Variants in UPF3B observed in about 807,000 individuals in gnomAD.
UPF3B encodes UPF3B regulator of nonsense mediated mRNA decay.
In UPF3B, 7 loss-of-function variants were observed where a neutral mutation model predicts 40.3. The observed-to-expected ratio is 0.17, with a 90% confidence interval of 0.10 to 0.33. UPF3B has a LOEUF of 0.33. Among genes scored for constraint, UPF3B ranks in the 10% least tolerant of loss-of-function variants. The pLI is 1.00. For synonymous variants in UPF3B, 117 were observed against 117.3 expected (o/e 1.00, Z 0.01); for missense variants, 229 against 358.9 (o/e 0.64, Z 2.93).
chrX:119,840,967 A>G (rs978166685), intron 7 of UPF3B, 109 bp downstream of exon 7: 2 of 942,240 alleles, frequency 2.1e-6, no homozygotes, highest in African/African-American at 3.9e-5. Flanking sequence ...AAAAGAGAAC[A>G]AAAACAAAAC....
At chrX:119,844,640 G>A (rs1283837222) in intron 4 of UPF3B, among the ~76,000 whole-genome samples, 1 of 108,938 alleles carries the variant, frequency 9.2e-6, no homozygotes, top group Admixed American at 9.8e-5. Context: ...TTTCGCTCTT[G>A]TTGCCCAGGC....
intron 6 of UPF3B, 36 bp downstream of exon 6, chrX:119,841,699 A>C (rs1169261730): frequency 8.7e-7 from 1 of 1,156,019 alleles, no homozygotes; most frequent in African/African-American, 1.8e-5. Flanking sequence ...CAAAGAAATT[A>C]AAGTATTGAG....
chrX:119,828,314 C>T (rs2056001762), intron 3 of UPF3B, among the ~76,000 whole-genome samples: 1 of 112,111 alleles, frequency 8.9e-6, no homozygotes, highest in African/African-American at 3.2e-5. Flanking sequence ...ATCCACCTGC[C>T]TTGGCCTCCC....
chrX:119,811,755 C>G (rs1165252810), intron 5 of UPF3B, among the ~76,000 whole-genome samples: 1 of 111,126 alleles, frequency 9.0e-6, no homozygotes, highest in Non-Finnish European at 1.9e-5. Context: ...AGTTTGAGAT[C>G]AGCCTGGGCA....
Position 119,821,273 on chromosome X carries a change from G to A in UPF3B, c.494+1669C>T, listed in dbSNP as rs147373447. ...CTGAGCAATGTCAGATGCCATGCTT[G>A]TACAGCCTGCAGAACTGTGAACCAG... On this transcript the variant is annotated intron_variant, in intron 4 of 6. Transcript: ENST00000636792. Among the ~76,000 whole-genome samples, 522 of 112,154 alleles carry A rather than the reference G, an allele frequency of 4.7e-3. 6 individuals are homozygous for A. The highest frequency in any genetic ancestry group is 0.016 in the African/African-American group (505 of 30,925).
chrX:119,838,993 T>C (rs1407752050), intron 8 of UPF3B, among the ~76,000 whole-genome samples: 1 of 111,488 alleles, frequency 9.0e-6, no homozygotes, highest in Admixed American at 9.6e-5. Flanking sequence ...CCCAGGCTGT[T>C]CTCAAACTTC....
chrX:119,851,450 A>C (rs1455027030), intron 3 of UPF3B, 45 bp downstream of exon 3: 18 of 988,565 alleles, frequency 1.8e-5, no homozygotes, highest in Non-Finnish European at 2.4e-5. Context: ...TTAAACATAC[A>C]AATGACAAAG....
exon 7 of UPF3B, chrX:119,805,433 G>C (rs998319096): frequency 8.6e-6 from 1 of 116,742 alleles, no homozygotes; most frequent in Non-Finnish European, 1.7e-5. Context: ...CAGATCATGA[G>C]ACCTAAGATA....
At chrX:119,806,759 G>A (rs1261561422) in intron 6 of UPF3B, among the ~76,000 whole-genome samples, 1 of 110,583 alleles carries the variant, frequency 9.0e-6, no homozygotes, top group Non-Finnish European at 1.9e-5. Flanking sequence ...CGGGCACGGT[G>A]GCTCATACCT....
chrX:119,819,424 CAG>C (rs1337444705), intron 4 of UPF3B, among the ~76,000 whole-genome samples: 2 of 111,070 alleles, frequency 1.8e-5, no homozygotes, highest in Non-Finnish European at 3.8e-5. Flanking sequence ...AAAGCTTCAC[CAG>C]AGAGTCCTTT....
chrX:119,826,460 C>T (rs143475151), intron 3 of UPF3B, among the ~76,000 whole-genome samples: 2,111 of 110,651 alleles, frequency 0.019, 54 homozygotes, highest in African/African-American at 0.065. Flanking sequence ...CCAGCCTGGG[C>T]GACAGGGCGA....
intron 4 of UPF3B, among the ~76,000 whole-genome samples, chrX:119,818,002 C>T (rs972556681): frequency 2.7e-5 from 3 of 112,000 alleles, no homozygotes; most frequent in Non-Finnish European, 1.9e-5. Context: ...CGCAGTGGCT[C>T]ACACCTGTAA....
At chrX:119,808,627 G>C (rs1369470224) in intron 5 of UPF3B, among the ~76,000 whole-genome samples, 1 of 102,379 alleles carries the variant, frequency 9.8e-6, no homozygotes, top group Non-Finnish European at 2.0e-5. Context: ...AAATTGAAGA[G>C]GGTGGGGTGG....
intron 4 of UPF3B, among the ~76,000 whole-genome samples, chrX:119,844,804 T>C (rs2056207901): frequency 9.0e-6 from 1 of 111,415 alleles, no homozygotes; most frequent in African/African-American, 3.3e-5. Context: ...GGTTTCTCCA[T>C]GTTGGTCAGG....
At chrX:119,819,321 G>A (rs11798317) in intron 4 of UPF3B, among the ~76,000 whole-genome samples, 34,302 of 109,841 alleles carry the variant, frequency 0.31, 5,141 homozygotes, top group Non-Finnish European at 0.46. Flanking sequence ...CAGAGTGCTG[G>A]GATTACAGGC....
At position 119,823,556 on chromosome X, in the gene UPF3B, CTCT is replaced by C. The variant is rs1307314143; in HGVS notation, c.393-516_393-514del. Among the ~76,000 whole-genome samples the C allele has an allele frequency of 5.0e-3, 211 of 42,070 alleles. 9 individuals are homozygous for C. In the African/African-American group the frequency reaches 0.069, roughly 14 times the overall value. The allele number at this position is 42,070 out of a possible 115,157, so 36.5% of individuals were successfully genotyped here. On this transcript the variant is annotated intron_variant, in intron 3 of 6. Coordinates refer to the UPF3B transcript ENST00000636792. ...CTGGCCCATTTCTTTTCTTTTTTTC[CTCT>C]TTTTTTTTTTTTTTTTTTGTCTGAG...
chrX:119,822,130 A>T (rs1474011424), intron 4 of UPF3B, among the ~76,000 whole-genome samples: 3 of 112,778 alleles, frequency 2.7e-5, no homozygotes, highest in Non-Finnish European at 5.6e-5. Flanking sequence ...AAATAAAAAA[A>T]CAAAAGTAAC....
At chrX:119,837,655 C>A in intron 10 of UPF3B, 102 bp downstream of exon 10, 3 of 839,187 alleles carry the variant, frequency 3.6e-6, no homozygotes, top group Non-Finnish European at 3.4e-6. Context: ...GATTAAAGTT[C>A]CCCTTTAAAA....
intron 5 of UPF3B, chrX:119,807,683 G>A (rs771838221): frequency 4.8e-6 from 2 of 417,954 alleles, no homozygotes; most frequent in Non-Finnish European, 6.0e-6. Flanking sequence ...CTAAAGCTCA[G>A]TAATTTAAGA....
Sources: allele counts gnomAD v4.1 joint callset (sites outside exome capture counted in the v4.1 genomes callset), GRCh38; gene constraint gnomAD v4.1.1; transcripts MANE v1.5; gene names NCBI Gene and HGNC (gene_info 2026-07-23, HGNC 2026-07-21).